ADAMTSL1: variants seen among roughly 807,000 people sequenced by gnomAD.
ADAMTSL1 encodes the protein ADAMTS like 1.
In ADAMTSL1, 126 loss-of-function variants were observed where a neutral mutation model predicts 201.8. That is an observed-to-expected ratio of 0.62 (90% confidence interval 0.54 to 0.72). The LOEUF (loss-of-function observed/expected upper bound fraction) is 0.72, where lower values mean the gene tolerates loss of function less well. ADAMTSL1 is among the 30% of genes least tolerant of loss of function. The pLI, the probability that ADAMTSL1 is intolerant of heterozygous loss-of-function variation, is 0.00. For synonymous variants in ADAMTSL1, 1,121 were observed against 903.4 expected (o/e 1.24, Z -4.32); for missense variants, 2,679 against 2,277.8 (o/e 1.18, Z -3.59).
chr9:18,459,558 G>A (rs1820732350), intron 2 of ADAMTSL1, among the ~76,000 whole-genome samples: 1 of 152,092 alleles, frequency 6.6e-6, no homozygotes, highest in South Asian at 2.1e-4. Context: ...TGCACCCAGG[G>A]AACTTGCCTG....
chr9:18,391,436 G>A (rs1368870747), intron 2 of ADAMTSL1, among the ~76,000 whole-genome samples: 1 of 152,094 alleles, frequency 6.6e-6, no homozygotes, highest in Non-Finnish European at 1.5e-5. Context: ...ACATAGTTTA[G>A]TTGGTAGTTA....
At chr9:18,661,578 G>T (rs767935834) in intron 8 of ADAMTSL1, among the ~76,000 whole-genome samples, 2 of 152,110 alleles carry the variant, frequency 1.3e-5, no homozygotes, top group Non-Finnish European at 2.9e-5. Flanking sequence ...TGTATAAGAT[G>T]GTTGGTAAAT....
chr9:17,907,730 A>G (rs1825775898), intron 1 of ADAMTSL1, among the ~76,000 whole-genome samples: 2 of 152,144 alleles, frequency 1.3e-5, no homozygotes, highest in Non-Finnish European at 2.9e-5. Flanking sequence ...TGCTTAGGGA[A>G]GAGGGCAGGG....
chr9:18,626,845 T>G (rs1826395085), intron 5 of ADAMTSL1, among the ~76,000 whole-genome samples: 1 of 128,032 alleles, frequency 7.8e-6, no homozygotes, highest in South Asian at 2.5e-4. Flanking sequence ...TTCTTTTTCT[T>G]TCTTTCTTTC....
At chr9:18,548,471 TC>T (rs1462664629) in intron 3 of ADAMTSL1, among the ~76,000 whole-genome samples, 1 of 152,082 alleles carries the variant, frequency 6.6e-6, no homozygotes, top group African/African-American at 2.4e-5. Context: ...TAAGCTTCCT[TC>T]AGGCCTGAAT....
At chr9:18,065,117 G>A (rs2131712823) in intron 1 of ADAMTSL1, among the ~76,000 whole-genome samples, 1 of 151,938 alleles carries the variant, frequency 6.6e-6, no homozygotes, top group East Asian at 1.9e-4. Context: ...CTCTGCAGCT[G>A]GGAAAGTAAA....
intron 7 of ADAMTSL1, among the ~76,000 whole-genome samples, chr9:18,655,128 G>T (rs1484367376): frequency 6.6e-6 from 1 of 152,198 alleles, no homozygotes; most frequent in African/African-American, 2.4e-5. Flanking sequence ...CAGTGAAAAA[G>T]GAAAAGATGC....
chr9:18,840,504 G>A (rs1303109143), intron 23 of ADAMTSL1, among the ~76,000 whole-genome samples: 2 of 152,182 alleles, frequency 1.3e-5, no homozygotes, highest in Non-Finnish European at 2.9e-5. Context: ...GCTTAGGGTT[G>A]ACTTCGCGAT....
chr9:18,086,599 TA>T (rs1823781026), intron 1 of ADAMTSL1, among the ~76,000 whole-genome samples: 1 of 152,188 alleles, frequency 6.6e-6, no homozygotes, highest in African/African-American at 2.4e-5. Flanking sequence ...AGCAGTAAGA[TA>T]AGAACTTGTA....
At chr9:18,497,725 C>A (rs1243646289) in intron 1 of ADAMTSL1, among the ~76,000 whole-genome samples, 1 of 152,146 alleles carries the variant, frequency 6.6e-6, no homozygotes, top group Non-Finnish European at 1.5e-5. Context: ...TGAATACTAA[C>A]CTTTGTTCAT....
chr9:18,700,369 T>C lies in ADAMTSL1; in HGVS notation c.1575-6378T>C, dbSNP rs370609702. The stretch of plus-strand genomic sequence containing the variant: ...ACTAAAGAGTTTTTACACGAGATCT[T>C]CTCATCTCATGTAAAAATGGGAAGT... On this transcript the variant is annotated intron_variant, in intron 13 of 28. Coordinates refer to ENST00000380548, the MANE Select transcript of ADAMTSL1 (RefSeq NM_001040272.6). 5.9e-5 allele frequency among the ~76,000 whole-genome samples: 9 copies of C among 152,174 alleles called. No individual in the cohort carries two copies. The East Asian group carries it at 9.6e-4, about 16-fold the overall frequency.
rs76344956 is a variant in ADAMTSL1, at chr9:18,017,939, A to T, written c.87+111017A>T. 5.1e-3 allele frequency among the ~76,000 whole-genome samples: 774 copies of T among 152,202 alleles called. 8 individuals carry two copies. The highest frequency in any genetic ancestry group is 0.018 in the African/African-American group (734 of 41,564). On this transcript the variant is annotated intron_variant, in intron 1 of 29. Transcript: ENST00000680146. ...ATGTAATGTCAGGCTTTATTTAAAA[A>T]TACCATTATCTTTGTTGTTCTAAAA...
chr9:18,420,674 G>A (rs965811881), intron 2 of ADAMTSL1, among the ~76,000 whole-genome samples: 2 of 152,194 alleles, frequency 1.3e-5, no homozygotes, highest in African/African-American at 4.8e-5. Context: ...GAGCAGGAGA[G>A]GGTTTGAGAG....
chr9:18,545,296 A>G (rs1171753752), intron 3 of ADAMTSL1, among the ~76,000 whole-genome samples: 1 of 152,182 alleles, frequency 6.6e-6, no homozygotes, highest in Admixed American at 6.6e-5. Context: ...TATTTAGGCT[A>G]TACAGCTAAG....
chr9:18,128,234 T>A (rs982462742), intron 1 of ADAMTSL1, among the ~76,000 whole-genome samples: 16 of 152,104 alleles, frequency 1.1e-4, no homozygotes, highest in African/African-American at 3.6e-4. Flanking sequence ...AATCAGAAAA[T>A]TGCATTTTAT....
intron 1 of ADAMTSL1, among the ~76,000 whole-genome samples, chr9:17,923,116 C>A (rs1826373611): frequency 6.6e-6 from 1 of 152,082 alleles, no homozygotes; most frequent in Non-Finnish European, 1.5e-5. Context: ...ATTGACTTGG[C>A]AATGCGGGCT....
intron 2 of ADAMTSL1, among the ~76,000 whole-genome samples, chr9:18,281,379 T>C (rs1240133059): frequency 6.6e-6 from 1 of 151,918 alleles, no homozygotes; most frequent in Non-Finnish European, 1.5e-5. Context: ...CACCAGACTA[T>C]GGAGAATTCA....
chr9:18,257,966 G>A (rs899010438), intron 2 of ADAMTSL1, among the ~76,000 whole-genome samples: 5 of 152,068 alleles, frequency 3.3e-5, no homozygotes, highest in African/African-American at 9.7e-5. Context: ...AAGGAAGGAG[G>A]GAAAAAGGAG....
In ADAMTSL1 at chr9:18,662,068, A is replaced by C. The variant is rs775947988; in HGVS notation, c.1080A>C (p.Pro360=). 9 of 1,612,814 alleles carry C rather than the reference A, an allele frequency of 5.6e-6. No homozygotes were observed. In the Admixed American group the frequency reaches 1.5e-4, roughly 27 times the overall value. Residue 360 remains proline, a synonymous_variant, in exon 9 of 29, where the codon CCA becomes CCC. Transcript: ENST00000380548. ...KLQECNLDPC[P]ASDGYKQIMP... Reference sequence around the variant, plus strand: ...AGGAGTGCAACTTGGATCCTTGTCCAGCCAGGTCAGTCAAATTTGCTAGTT... The same window carrying C: ...AGGAGTGCAACTTGGATCCTTGTCCCGCCAGGTCAGTCAAATTTGCTAGTT...
Sources: allele counts gnomAD v4.1 joint callset (sites outside exome capture counted in the v4.1 genomes callset), GRCh38; gene constraint gnomAD v4.1.1; transcripts MANE v1.5; gene names NCBI Gene and HGNC (gene_info 2026-07-23, HGNC 2026-07-21).